COIL: variants seen among roughly 807,000 people sequenced by gnomAD.
COIL encodes coilin.
A neutral mutation model predicts 51.6 loss-of-function variants in COIL; 28 were observed. That is an observed-to-expected ratio of 0.54 (90% confidence interval 0.40 to 0.74). The LOEUF (loss-of-function observed/expected upper bound fraction) is 0.74. Ranked by LOEUF, COIL falls within the 30% of genes least tolerant of loss-of-function variation. COIL has a pLI of 0.00. For synonymous variants in COIL, 233 were observed against 255.8 expected (o/e 0.91, Z 0.85); for missense variants, 667 against 685.9 (o/e 0.97, Z 0.31).
At chr17:56,952,536 A>G (rs538282160) in intron 1 of COIL, 1 of 238,138 alleles carries the variant, frequency 4.2e-6, no homozygotes, top group East Asian at 1.5e-4. Flanking sequence ...GCCGTTTCCA[A>G]TGTGGGTGGG....
At chr17:56,946,931 C>T (rs963100491) in intron 4 of COIL, among the ~76,000 whole-genome samples, 5 of 152,106 alleles carry the variant, frequency 3.3e-5, no homozygotes, top group African/African-American at 4.8e-5. Context: ...GGTGCAGCCT[C>T]GGTTCCTGAT....
intron 5 of COIL, among the ~76,000 whole-genome samples, chr17:56,945,211 G>A (rs1437977669): frequency 6.6e-6 from 1 of 151,874 alleles, no homozygotes; most frequent in Non-Finnish European, 1.5e-5. Context: ...GGTGGTGTGT[G>A]CCTGTAGTCC....
At chr17:56,940,320 A>C (rs1910121373) in intron 6 of COIL, 1 of 152,290 alleles carries the variant, frequency 6.6e-6, no homozygotes, top group Non-Finnish European at 1.5e-5. Context: ...CATGTTGCCC[A>C]GGCTGGTCTT....
chr17:56,942,056 G>T lies in COIL; in HGVS notation c.1626C>A (p.Tyr542Ter). ...HNENGAEVVE[Y>*]AVTQESKITV... ...CTACCTTGCTCTCCTGTGTCACAGC[G>T]TACTCCACTACCTCGGCTCCATTTT... Residue 542 changes from tyrosine to a stop codon, truncating the protein, a stop_gained, in exon 6 of 7, where the codon TAC becomes TAA. Coordinates refer to ENST00000240316, the MANE Select transcript of COIL (RefSeq NM_004645.3). LOFTEE classifies it high-confidence loss of function. The T allele has an allele frequency of 6.2e-7, 1 of 1,613,934 alleles. No homozygotes were observed.
chr17:56,950,296 T>A lies in COIL; in HGVS notation c.946A>T (p.Ser316Cys), dbSNP rs770844396. 1 of 1,614,132 alleles carries A rather than the reference T, an allele frequency of 6.2e-7. No individual in the cohort carries two copies. Among genetic ancestry groups the A allele is most frequent in the East Asian group, 2.2e-5 (1 of 44,896 alleles). ...TCTGACTCTGCACTAGAGTCTGAAC[T>A]GGAAGATGTTGTTCCAGAGGTCTTG... ...KGKTSGTTSS[S>C]SDSSAESDDQ... Residue 316 changes from serine to cysteine, a missense_variant, in exon 2 of 7, where the codon AGT becomes TGT. Transcript: ENST00000240316.
intron 2 of COIL, 37 bp from the exon 3 acceptor site, chr17:56,949,804 G>C (rs368916898): frequency 1.3e-5 from 21 of 1,610,166 alleles, no homozygotes; most frequent in Middle Eastern, 3.3e-4. Context: ...ATCATCACTG[G>C]TGAGAAAATG....
At chr17:56,959,564 A>C (rs1435939216) in intron 1 of COIL, among the ~76,000 whole-genome samples, 2 of 152,234 alleles carry the variant, frequency 1.3e-5, no homozygotes, top group African/African-American at 4.8e-5. Flanking sequence ...AGGACTCAAG[A>C]CACTTATTTG....
rs760768732 is a variant in COIL, at chr17:56,950,008, T to C, written c.1234A>G (p.Met412Val). 3 of 1,614,168 alleles carry C rather than the reference T, an allele frequency of 1.9e-6. No homozygotes were observed. Among genetic ancestry groups the C allele is most frequent in the Non-Finnish European group, 8.5e-7 (1 of 1,180,024 alleles). Residue 412 changes from methionine to valine, a missense_variant, in exon 2 of 7, where the codon ATG becomes GTG. By Grantham distance (21) the Met-to-Val change is conservative. Transcript: ENST00000240316. The part of the protein sequence containing the change: ...FSWKGAKGRG[M>V]RGRGRGRGHP... ...CCTCGTCCTCGACCTCTCCCCCGCA[T>C]GCCCCGTCCCTTAGCTCCCTTCCAA...
Position 56,950,881 on chromosome 17 carries a change from C to T in COIL, c.361G>A (p.Glu121Lys), listed in dbSNP as rs116022828. 2,497 of 1,613,884 alleles carry T rather than the reference C, an allele frequency of 1.5e-3. 44 individuals carry two copies. The African/African-American group carries it at 0.03, about 19-fold the overall frequency. The change falls in exon 2 of 7, where the codon GAA becomes AAA. Residue 121 changes from glutamate to lysine, a missense_variant. By Grantham distance (56) the Glu-to-Lys change is moderately conservative. Transcript: ENST00000240316. ...KRAFQLEEGE[E>K]TEPDCKYSKK... ...GAATATTTGCAATCTGGTTCAGTTT[C>T]TTCACCCTCCTCTAACTGAAATGCC... is the stretch of plus-strand genomic sequence containing the variant.
In COIL at chr17:56,960,768, C is replaced by T. The variant is rs934092357; in HGVS notation, c.245+7G>A. ...CACCCGGCCGTCCCGCTCCCTGCGCCGCGCACCTGAGGCAGTCGTTGTCTC... is the reference window on the plus strand; with the variant it reads ...CACCCGGCCGTCCCGCTCCCTGCGCTGCGCACCTGAGGCAGTCGTTGTCTC... On this transcript the variant is annotated splice_region_variant and intron_variant, in intron 1 of 6. Coordinates refer to ENST00000240316, the MANE Select transcript of COIL (RefSeq NM_004645.3). 6.4e-7 allele frequency: 1 copy of T among 1,553,308 alleles called. No individual in the cohort carries two copies. The highest frequency in any genetic ancestry group is 2.4e-5 in the East Asian group (1 of 41,146).
Position 56,953,366 on chromosome 17 carries a change from A to G in COIL, c.246-2370T>C, listed in dbSNP as rs527400063. Among the ~76,000 whole-genome samples, 145 of 146,152 alleles carry G rather than the reference A, an allele frequency of 9.9e-4. 1 individual carries two copies. The highest frequency in any genetic ancestry group is 3.6e-3 in the African/African-American group (142 of 39,432). On this transcript the variant is annotated intron_variant, in intron 1 of 6. Coordinates refer to ENST00000240316, the MANE Select transcript of COIL (RefSeq NM_004645.3). ...GTGGAGCTTGCAGTGAGCCGAGGTCACACCACTGTACTCCAGCCTGGGCAA... is the reference window on the plus strand; with the variant it reads ...GTGGAGCTTGCAGTGAGCCGAGGTCGCACCACTGTACTCCAGCCTGGGCAA...
chr17:56,944,159 T>A (rs939410297), intron 5 of COIL, among the ~76,000 whole-genome samples: 11 of 152,064 alleles, frequency 7.2e-5, no homozygotes, highest in Non-Finnish European at 1.5e-5. Context: ...AGAAGAAAAG[T>A]TCTAAGTGGA....
chr17:56,943,927 G>A (rs1468206435), intron 5 of COIL, among the ~76,000 whole-genome samples: 1 of 151,944 alleles, frequency 6.6e-6, no homozygotes, highest in African/African-American at 2.4e-5. Flanking sequence ...GTGCAGTGAC[G>A]CAATCATGAC....
chr17:56,949,409 G>C lies in COIL; in HGVS notation c.1466C>G (p.Ser489Cys). 1 of 1,601,280 alleles carries C rather than the reference G, an allele frequency of 6.2e-7. No individual in the cohort carries two copies. The change falls in exon 4 of 7, where the codon TCT becomes TGT. Residue 489 changes from serine (S) to cysteine (C), a missense_variant. Coordinates refer to ENST00000240316, the MANE Select transcript of COIL (RefSeq NM_004645.3). ...TACCTTGTAGTCAGAGACATCAGGA[G>C]AGTAACTGGATGTTAGCTCCAAAAG... ...FKLLELTSSY[S>C]PDVSDYKEGR...
intron 1 of COIL, 91 bp from the exon 2 acceptor site, chr17:56,951,087 G>T: frequency 1.7e-6 from 2 of 1,208,602 alleles, no homozygotes; most frequent in Non-Finnish European, 2.2e-6. Flanking sequence ...TCTACAAAAT[G>T]TAACTACCAT....
rs150549245 is a variant in COIL at position 56,949,918 on chromosome 17, C to T, written c.1324G>A (p.Val442Met). 4.3e-5 allele frequency: 69 copies of T among 1,613,496 alleles called. No individual in the cohort carries two copies. In the African/African-American group the frequency reaches 7.1e-4, roughly 17 times the overall value. The stretch of plus-strand genomic sequence containing the variant: ...ATAATAGTAGATGAATTTTTTACCA[C>T]GTCATTTAATTGCTGTTGCCTCTGG... Reference protein sequence around the residue: ...DNQRQQQLNDVVKNSSTIIQN... With the variant: ...DNQRQQQLNDMVKNSSTIIQN... Residue 442 changes from valine to methionine, a missense_variant, in exon 2 of 7, where the codon GTG becomes ATG. By Grantham distance (21) the Val-to-Met change is conservative. Transcript: ENST00000240316.
chr17:56,944,567 G>T (rs972612218), intron 5 of COIL, among the ~76,000 whole-genome samples: 2 of 151,640 alleles, frequency 1.3e-5, no homozygotes, highest in African/African-American at 4.8e-5. Flanking sequence ...CTCCAGCCTG[G>T]ACAACAGAGT....
intron 1 of COIL, among the ~76,000 whole-genome samples, chr17:56,955,275 A>G (rs946694849): frequency 1.3e-5 from 2 of 152,224 alleles, no homozygotes; most frequent in African/African-American, 4.8e-5. Flanking sequence ...CACGTTGGTC[A>G]GGCTGGTCTC....
chr17:56,940,215 C>T (rs564918246), intron 6 of COIL: 1 of 152,482 alleles, frequency 6.6e-6, no homozygotes, highest in African/African-American at 2.4e-5. Context: ...ATCCTCCTGC[C>T]TCGCCCCCAC....
Sources: allele counts gnomAD v4.1 joint callset (sites outside exome capture counted in the v4.1 genomes callset), GRCh38; gene constraint gnomAD v4.1.1; transcripts MANE v1.5; gene names NCBI Gene and HGNC (gene_info 2026-07-23, HGNC 2026-07-21).